RANBP2: variants seen among roughly 807,000 people sequenced by gnomAD.
The protein encoded by RANBP2 is E3 SUMO-protein ligase RanBP2.
A neutral mutation model predicts 303.6 loss-of-function variants in RANBP2; 57 were observed. The ratio of observed to expected loss-of-function variants is 0.19; its 90% CI spans 0.15 to 0.23. The LOEUF is 0.23. RANBP2 is among the 10% of genes least tolerant of loss of function. RANBP2 has a pLI of 1.00. For synonymous variants in RANBP2, 1,167 were observed against 1,301.5 expected, an observed-to-expected ratio of 0.90 and a Z score of 2.23; for missense variants, 3,138 against 3,780.8, an observed-to-expected ratio of 0.83 and a Z score of 4.46.
chr2:108,958,509 G>A, the RANBP2 span, among the ~76,000 whole-genome samples: 2 of 152,034 alleles, frequency 1.3e-5, no homozygotes, highest in East Asian at 3.9e-4. Flanking sequence ...TCAGGCAGGG[G>A]GCAGAACAGG....
the RANBP2 span, among the ~76,000 whole-genome samples, chr2:109,482,164 A>G: frequency 2.0e-5 from 3 of 152,198 alleles, no homozygotes; most frequent in Admixed American, 6.5e-5. Context: ...CTTGTTCAGC[A>G]TCTCAGAGCC....
At chr2:109,131,188 G>T in the RANBP2 span, among the ~76,000 whole-genome samples, 30,922 of 152,104 alleles carry the variant, frequency 0.2, 3,904 homozygotes, top group Middle Eastern at 0.36. Flanking sequence ...CTAAGGTTAA[G>T]GTTAGGAACT....
At chr2:109,017,606 A>AT in the RANBP2 span, among the ~76,000 whole-genome samples, 2 of 152,124 alleles carry the variant, frequency 1.3e-5, no homozygotes, top group Non-Finnish European at 2.9e-5. Context: ...GGTTGAAGCT[A>AT]TTTTTTTAAA....
At chr2:109,684,188 C>T in the RANBP2 span, among the ~76,000 whole-genome samples, 12 of 151,354 alleles carry the variant, frequency 7.9e-5, no homozygotes, top group East Asian at 3.9e-4. Flanking sequence ...ATGATCCACC[C>T]GCCTTAGCCT....
At chr2:109,378,031 C>A in the RANBP2 span, among the ~76,000 whole-genome samples, 3 of 152,240 alleles carry the variant, frequency 2.0e-5, no homozygotes, top group Non-Finnish European at 4.4e-5. Context: ...GCCATTTTAC[C>A]TTGGTCTTGT....
chr2:109,596,006 C>T, the RANBP2 span, among the ~76,000 whole-genome samples: 1 of 152,092 alleles, frequency 6.6e-6, no homozygotes, highest in East Asian at 1.9e-4. Context: ...ATTATTTTGA[C>T]TTGTCAAGTA....
the RANBP2 span, among the ~76,000 whole-genome samples, chr2:109,578,446 A>AG: frequency 6.6e-6 from 1 of 152,176 alleles, no homozygotes; most frequent in African/African-American, 2.4e-5. Flanking sequence ...CTTCAGGATA[A>AG]AATAAAAATG....
chr2:109,767,232 A>G, the RANBP2 span, among the ~76,000 whole-genome samples: 3 of 146,830 alleles, frequency 2.0e-5, 1 homozygote, highest in East Asian at 2.1e-4. Context: ...AAGGCCGCAT[A>G]AGGTCAGATT....
the RANBP2 span, among the ~76,000 whole-genome samples, chr2:109,675,476 G>T: frequency 6.6e-6 from 1 of 152,176 alleles, no homozygotes; most frequent in South Asian, 2.1e-4. Flanking sequence ...GAGGTCAGGA[G>T]TTGGAGACCA....
the RANBP2 span, among the ~76,000 whole-genome samples, chr2:109,584,580 T>C: frequency 2.0e-5 from 3 of 152,026 alleles, no homozygotes; most frequent in African/African-American, 2.4e-5. Context: ...TTAAATTTGA[T>C]AGAGCATAGA....
At chr2:109,277,843 A>G in the RANBP2 span, among the ~76,000 whole-genome samples, 1 of 152,314 alleles carries the variant, frequency 6.6e-6, no homozygotes, top group East Asian at 1.9e-4. Context: ...GTGGCCAGGT[A>G]GACTTTGCTG....
the RANBP2 span, chr2:109,732,786 T>C: frequency 2.2e-6 from 2 of 900,918 alleles, no homozygotes; most frequent in East Asian, 5.1e-5. Flanking sequence ...GAACAGACTT[T>C]TGGCTACTGT....
At chr2:108,786,780 A>G (rs1427625181), downstream of RANBP2, 4 of 1,531,434 alleles carry the variant, frequency 2.6e-6, no homozygotes, top group East Asian at 2.4e-5. Context: ...CGCGGGTTTG[A>G]TGAACGCGGT....
chr2:108,729,298 C>T, intron 2 of RANBP2, 99 bp downstream of exon 2: 1 of 1,276,652 alleles, frequency 7.8e-7, no homozygotes, highest in Non-Finnish European at 1.1e-6. Context: ...GTAGTTCTTC[C>T]TAAGTGTATT....
the RANBP2 span, among the ~76,000 whole-genome samples, chr2:109,531,668 G>A: frequency 6.6e-6 from 1 of 152,200 alleles, no homozygotes; most frequent in Non-Finnish European, 1.5e-5. Flanking sequence ...GTGGGGCCAA[G>A]TTAAATTATT....
At chr2:109,063,100 A>C in the RANBP2 span, among the ~76,000 whole-genome samples, 1 of 152,032 alleles carries the variant, frequency 6.6e-6, no homozygotes, top group Non-Finnish European at 1.5e-5. Flanking sequence ...CACCATGCCA[A>C]CCTGAGACCC....
chr2:109,602,103 C>T, the RANBP2 span, among the ~76,000 whole-genome samples: 3 of 152,168 alleles, frequency 2.0e-5, no homozygotes, highest in African/African-American at 7.2e-5. Flanking sequence ...AGGGTTCCAA[C>T]AGCGGCACAG....
At chr2:109,012,669 C>T in the RANBP2 span, among the ~76,000 whole-genome samples, 1 of 152,224 alleles carries the variant, frequency 6.6e-6, no homozygotes, top group Non-Finnish European at 1.5e-5. Flanking sequence ...AATCCCAGCA[C>T]TTTGGGAGGC....
chr2:109,448,732 A>G, the RANBP2 span, among the ~76,000 whole-genome samples: 2 of 152,258 alleles, frequency 1.3e-5, no homozygotes, highest in African/African-American at 4.8e-5. Flanking sequence ...GAAATAAAGT[A>G]CATAACAAAT....
Sources: allele counts gnomAD v4.1 joint callset (sites outside exome capture counted in the v4.1 genomes callset), GRCh38; gene constraint gnomAD v4.1.1; transcripts MANE v1.5; gene names NCBI Gene and HGNC (gene_info 2026-07-23, HGNC 2026-07-21).